KCTD8: variants seen among roughly 807,000 people sequenced by gnomAD.
KCTD8 encodes BTB/POZ domain-containing protein KCTD8.
Under a neutral mutation model 31.5 loss-of-function variants are expected in KCTD8, and 27 were observed. That is an observed-to-expected ratio of 0.86 (90% CI 0.63 to 1.18). KCTD8 has a LOEUF of 1.18. KCTD8 is among the 50% of genes most tolerant of loss of function. The probability of loss-of-function intolerance (pLI) is 0.00; values close to 1 mark genes in which losing one functional copy is unlikely to be tolerated. For synonymous variants in KCTD8, 290 were observed against 280.0 expected, an observed-to-expected ratio of 1.04 and a Z score of -0.36; for missense variants, 658 against 647.7, an observed-to-expected ratio of 1.02 and a Z score of -0.17.
intron 1 of KCTD8, among the ~76,000 whole-genome samples, chr4:44,260,000 T>C (rs1577579407): frequency 6.6e-6 from 1 of 152,012 alleles, no homozygotes; most frequent in Non-Finnish European, 1.5e-5. Flanking sequence ...CATATAATTC[T>C]GCTTTCCACA....
At chr4:44,403,991 T>C (rs780672232) in intron 1 of KCTD8, among the ~76,000 whole-genome samples, 7 of 152,188 alleles carry the variant, frequency 4.6e-5, no homozygotes, top group African/African-American at 4.8e-5. Flanking sequence ...TTGGTATTGA[T>C]AGTCTGTTGC....
intron 1 of KCTD8, among the ~76,000 whole-genome samples, chr4:44,266,304 G>C (rs992985073): frequency 2.6e-5 from 4 of 151,622 alleles, no homozygotes; most frequent in African/African-American, 4.8e-5. Context: ...AGCTTCATAA[G>C]TGAAGGAGAA....
intron 1 of KCTD8, among the ~76,000 whole-genome samples, chr4:44,329,131 G>C (rs1560427551): frequency 6.6e-6 from 1 of 151,334 alleles, no homozygotes; most frequent in East Asian, 1.9e-4. Context: ...AAGAGTTAAC[G>C]GGTTTCAATA....
At chr4:44,235,066 A>G (rs1400859567) in intron 1 of KCTD8, among the ~76,000 whole-genome samples, 1 of 152,130 alleles carries the variant, frequency 6.6e-6, no homozygotes, top group Non-Finnish European at 1.5e-5. Context: ...AAGTCAAAAC[A>G]TAAGTAATCA....
chr4:44,289,167 T>C (rs1273940389), intron 1 of KCTD8, among the ~76,000 whole-genome samples: 2 of 151,578 alleles, frequency 1.3e-5, no homozygotes, highest in African/African-American at 4.8e-5. Context: ...GTGTTTCATA[T>C]GTATGTAATT....
chr4:44,264,739 G>A (rs1053009552), intron 1 of KCTD8, among the ~76,000 whole-genome samples: 3 of 152,136 alleles, frequency 2.0e-5, no homozygotes, highest in South Asian at 2.1e-4. Context: ...ATTATATCCC[G>A]CACATGGCTC....
At chr4:44,438,182 T>G (rs568423287) in intron 1 of KCTD8, among the ~76,000 whole-genome samples, 1 of 152,204 alleles carries the variant, frequency 6.6e-6, no homozygotes, top group East Asian at 1.9e-4. Context: ...TTCAAATACC[T>G]GGACTTTGAG....
chr4:44,270,889 G>T (rs1716577014), intron 1 of KCTD8, among the ~76,000 whole-genome samples: 2 of 152,022 alleles, frequency 1.3e-5, no homozygotes, highest in Admixed American at 1.3e-4. Context: ...TCTCAGACTA[G>T]CATTTCTTTT....
At chr4:44,272,121 T>TTATATATATATATATATATGTATA (rs1716629958) in intron 1 of KCTD8, among the ~76,000 whole-genome samples, 1 of 142,526 alleles carries the variant, frequency 7.0e-6, no homozygotes, top group African/African-American at 2.7e-5. Flanking sequence ...TGGTATTATA[T>TTATATATATATATATATATGTATA]TATATATATA....
chr4:44,216,227 C>T (rs1714647829), intron 1 of KCTD8, among the ~76,000 whole-genome samples: 1 of 152,078 alleles, frequency 6.6e-6, no homozygotes, highest in African/African-American at 2.4e-5. Flanking sequence ...GCTGAAGTGC[C>T]ATCTAAATTC....
chr4:44,239,201 C>T (rs143929888), intron 1 of KCTD8, among the ~76,000 whole-genome samples: 2 of 152,282 alleles, frequency 1.3e-5, no homozygotes, highest in African/African-American at 4.8e-5. Context: ...TAGTCTTAGT[C>T]TATCCTGATG....
chr4:44,237,472 T>C (rs1715327279), intron 1 of KCTD8, among the ~76,000 whole-genome samples: 1 of 152,064 alleles, frequency 6.6e-6, no homozygotes. Context: ...TAGTTCTGAG[T>C]GAGTAAAATT....
intron 1 of KCTD8, among the ~76,000 whole-genome samples, chr4:44,340,465 A>ATT (rs781054339): frequency 1.5e-4 from 21 of 137,646 alleles, no homozygotes; most frequent in Non-Finnish European, 2.5e-4. Flanking sequence ...TGCCTGGCTA[A>ATT]TTTTTTTTTT....
intron 1 of KCTD8, among the ~76,000 whole-genome samples, chr4:44,301,338 G>A (rs1717613665): frequency 6.6e-6 from 1 of 152,114 alleles, no homozygotes; most frequent in African/African-American, 2.4e-5. Flanking sequence ...CACCAACAGT[G>A]TAAAAGTGTT....
intron 1 of KCTD8, among the ~76,000 whole-genome samples, chr4:44,380,825 T>C (rs1402227570): frequency 6.6e-6 from 1 of 151,976 alleles, no homozygotes; most frequent in Non-Finnish European, 1.5e-5. Flanking sequence ...TTGGGGGGTT[T>C]TCCTCTTATA....
intron 1 of KCTD8, among the ~76,000 whole-genome samples, chr4:44,401,327 G>A (rs1720655733): frequency 6.6e-6 from 1 of 151,948 alleles, no homozygotes; most frequent in African/African-American, 2.4e-5. Flanking sequence ...TGGAATGGCT[G>A]GAGTTTTCAT....
intron 1 of KCTD8, among the ~76,000 whole-genome samples, chr4:44,409,418 T>C (rs1306494550): frequency 6.6e-6 from 1 of 152,050 alleles, no homozygotes; most frequent in Non-Finnish European, 1.5e-5. Flanking sequence ...TTGCCTCCCC[T>C]AATAGGCAGA....
chr4:44,287,906 TA>T (rs1486425543), intron 1 of KCTD8, among the ~76,000 whole-genome samples: 18 of 152,156 alleles, frequency 1.2e-4, no homozygotes, highest in African/African-American at 4.3e-4. Context: ...AGTCGACTTG[TA>T]TGTAGATGGT....
chr4:44,284,008 C>T (rs1716982121), intron 1 of KCTD8, among the ~76,000 whole-genome samples: 1 of 152,134 alleles, frequency 6.6e-6, no homozygotes, highest in African/African-American at 2.4e-5. Context: ...ACATTCCATG[C>T]TCATGGATAG....
Sources: gnomAD v4.1 joint callset for allele counts (sites outside exome capture counted in the v4.1 genomes callset) on GRCh38, gnomAD v4.1.1 for gene constraint, MANE v1.5 for transcripts, NCBI Gene and HGNC (gene_info 2026-07-23, HGNC 2026-07-21) for gene names.